The following GRID2 variants were observed in gnomAD, a reference collection of about 807,000 sequenced individuals.
The protein encoded by GRID2 is glutamate ionotropic receptor delta type subunit 2, also known as glutamate receptor ionotropic, delta-2.
Under a neutral mutation model 114.8 loss-of-function variants are expected in GRID2, and 33 were observed. That is an observed-to-expected ratio of 0.29 (90% CI 0.22 to 0.38). GRID2 has a LOEUF of 0.38. Among genes scored for constraint, GRID2 ranks in the 10% least tolerant of loss-of-function variants. The pLI is 1.00. For missense variants in GRID2, 1,184 were observed against 1,257.7 expected (o/e 0.94, Z 0.89); for synonymous variants, 505 against 449.9 (o/e 1.12, Z -1.55).
intron 14 of GRID2, among the ~76,000 whole-genome samples, chr4:93,766,024 GT>G (rs1418438610): frequency 3.9e-5 from 6 of 152,150 alleles, no homozygotes; most frequent in Non-Finnish European, 7.3e-5. Context: ...TGATATCAGA[GT>G]TTAGGATTCA....
chr4:93,236,478 C>T (rs561750457), intron 7 of GRID2, among the ~76,000 whole-genome samples: 1 of 152,084 alleles, frequency 6.6e-6, no homozygotes, highest in African/African-American at 2.4e-5. Context: ...TGTAAAGCTT[C>T]AGGACATTTT....
chr4:93,163,703 CA>C (rs529820728), intron 4 of GRID2, among the ~76,000 whole-genome samples: 185 of 151,372 alleles, frequency 1.2e-3, no homozygotes, highest in African/African-American at 4.2e-3. Context: ...GAAGTAAAAC[CA>C]TATGAAATTT....
At chr4:93,142,044 A>C (rs949743649) in intron 4 of GRID2, among the ~76,000 whole-genome samples, 1 of 152,096 alleles carries the variant, frequency 6.6e-6, no homozygotes, top group African/African-American at 2.4e-5. Flanking sequence ...GCAAAAACTT[A>C]TCTCTACAAA....
At chr4:92,885,661 A>C (rs530962663) in intron 2 of GRID2, among the ~76,000 whole-genome samples, 1 of 152,302 alleles carries the variant, frequency 6.6e-6, no homozygotes, top group South Asian at 2.1e-4. Flanking sequence ...TCTTTGTTGT[A>C]AGATGACTCT....
chr4:92,741,905 A>C (rs905340907), intron 2 of GRID2, among the ~76,000 whole-genome samples: 7 of 152,192 alleles, frequency 4.6e-5, no homozygotes, highest in African/African-American at 1.7e-4. Flanking sequence ...GGTTTTACCT[A>C]TTAAATGAGA....
At chr4:93,501,451 A>C (rs1240466946) in intron 12 of GRID2, among the ~76,000 whole-genome samples, 1 of 152,012 alleles carries the variant, frequency 6.6e-6, no homozygotes, top group Non-Finnish European at 1.5e-5. Flanking sequence ...ACTCCAGAAC[A>C]CACAAGCACT....
chr4:93,635,078 CT>C lies in GRID2; in HGVS notation c.2360+8644del, dbSNP rs1465966362. Among the ~76,000 whole-genome samples the C allele has an allele frequency of 8.5e-5, 13 of 152,132 alleles. No individual in the cohort carries two copies. In the East Asian group the frequency reaches 2.1e-3, roughly 25 times the overall value. On this transcript the variant is annotated intron_variant, in intron 14 of 15. Transcript: ENST00000282020. The stretch of plus-strand genomic sequence containing the variant: ...TAATTATTTCTAAGAACCATACAAC[CT>C]ACAGATTTCTATTCTGTTGTTGCTC...
intron 13 of GRID2, among the ~76,000 whole-genome samples, chr4:93,529,481 G>A (rs896128315): frequency 1.3e-5 from 2 of 152,162 alleles, no homozygotes; most frequent in African/African-American, 2.4e-5. Flanking sequence ...GAACATTGTA[G>A]ATTAATAAGC....
At chr4:93,275,521 T>G (rs1429637216) in intron 8 of GRID2, among the ~76,000 whole-genome samples, 1 of 151,772 alleles carries the variant, frequency 6.6e-6, no homozygotes, top group Non-Finnish European at 1.5e-5. Flanking sequence ...CAAGTTAGTT[T>G]CCAAAGTGAC....
chr4:93,736,701 C>T (rs886195186), intron 14 of GRID2, among the ~76,000 whole-genome samples: 13 of 151,248 alleles, frequency 8.6e-5, no homozygotes, highest in African/African-American at 1.9e-4. Flanking sequence ...ATTTTAGAAG[C>T]GATAGTGATC....
chr4:92,910,711 G>A (rs1257006288), intron 2 of GRID2, among the ~76,000 whole-genome samples: 6 of 152,128 alleles, frequency 3.9e-5, no homozygotes, highest in African/African-American at 1.2e-4. Flanking sequence ...ATTTACAGAT[G>A]CTTGAGTCCC....
intron 2 of GRID2, among the ~76,000 whole-genome samples, chr4:93,031,115 C>A (rs1265093327): frequency 6.7e-6 from 1 of 148,508 alleles, no homozygotes; most frequent in Admixed American, 6.8e-5. Context: ...TGGCTCACTG[C>A]AGCCTCGGCA....
intron 2 of GRID2, among the ~76,000 whole-genome samples, chr4:92,670,686 A>G (rs1309538178): frequency 6.6e-6 from 1 of 152,108 alleles, no homozygotes; most frequent in East Asian, 1.9e-4. Context: ...GTAGAGCTAC[A>G]AGGTGGCAGG....
intron 8 of GRID2, among the ~76,000 whole-genome samples, chr4:93,296,900 C>T (rs961916431): frequency 1.2e-4 from 18 of 152,158 alleles, no homozygotes; most frequent in African/African-American, 4.3e-4. Flanking sequence ...ACTTACAAGT[C>T]AAATCTCTTA....
At chr4:92,808,248 C>A (rs1740509299) in intron 2 of GRID2, among the ~76,000 whole-genome samples, 1 of 151,918 alleles carries the variant, frequency 6.6e-6, no homozygotes, top group Non-Finnish European at 1.5e-5. Context: ...TCCATAAGAT[C>A]CATTTTGGTT....
chr4:93,538,586 C>G (rs1296609530), intron 13 of GRID2, among the ~76,000 whole-genome samples: 3 of 151,746 alleles, frequency 2.0e-5, no homozygotes, highest in Non-Finnish European at 4.4e-5. Context: ...CTGACAAACA[C>G]TACCTTGATC....
intron 3 of GRID2, among the ~76,000 whole-genome samples, chr4:93,105,200 C>A (rs1007761380): frequency 6.6e-6 from 1 of 151,932 alleles, no homozygotes; most frequent in Non-Finnish European, 1.5e-5. Context: ...GTAGATTCTG[C>A]ATATTAGCCC....
chr4:92,581,610 C>T (rs1421342086), intron 1 of GRID2, among the ~76,000 whole-genome samples: 2 of 151,998 alleles, frequency 1.3e-5, no homozygotes, highest in Admixed American at 6.6e-5. Context: ...ATGAAGAATC[C>T]CTTTGAATTT....
At chr4:92,395,776 T>C (rs1730464468) in intron 1 of GRID2, among the ~76,000 whole-genome samples, 1 of 151,718 alleles carries the variant, frequency 6.6e-6, no homozygotes, top group African/African-American at 2.4e-5. Context: ...ACTTAGAGAG[T>C]TGGGTGGGAT....
Sources: allele counts gnomAD v4.1 joint callset (sites outside exome capture counted in the v4.1 genomes callset), GRCh38; gene constraint gnomAD v4.1.1; transcripts MANE v1.5; gene names NCBI Gene and HGNC (gene_info 2026-07-23, HGNC 2026-07-21).